Variants in ST8SIA5 observed in about 807,000 individuals in gnomAD.
The protein encoded by ST8SIA5 is alpha-2,8-sialyltransferase 8E.
A neutral mutation model predicts 40.2 loss-of-function variants in ST8SIA5; 24 were observed. The observed-to-expected ratio is 0.60, with a 90% CI of 0.43 to 0.84. ST8SIA5 has a LOEUF of 0.84. Among genes scored for constraint, ST8SIA5 ranks in the 40% least tolerant of loss-of-function variants. The pLI, the probability that ST8SIA5 is intolerant of heterozygous loss-of-function variation, is 0.00. For synonymous variants in ST8SIA5, 198 were observed against 201.8 expected (o/e 0.98, Z 0.16); for missense variants, 465 against 498.5 (o/e 0.93, Z 0.64).
chr18:46,710,416 T>TG (rs1491090090), intron 1 of ST8SIA5, among the ~76,000 whole-genome samples: 3 of 137,440 alleles, frequency 2.2e-5, no homozygotes, highest in African/African-American at 8.2e-5. Context: ...TCTTTCTTTC[T>TG]TTTTCTTTCT....
chr18:46,733,767 G>A (rs1317571569), intron 1 of ST8SIA5, among the ~76,000 whole-genome samples: 2 of 152,184 alleles, frequency 1.3e-5, no homozygotes, highest in Non-Finnish European at 2.9e-5. Context: ...CCCCTGCAGA[G>A]GCAGAGGTGA....
chr18:46,721,406 G>A (rs2039861966), intron 1 of ST8SIA5: 1 of 1,536,118 alleles, frequency 6.5e-7, no homozygotes, highest in South Asian at 1.2e-5. Flanking sequence ...GATCATCCGT[G>A]ACATTAAAGA....
chr18:46,743,140 C>G (rs2040103602), intron 1 of ST8SIA5, among the ~76,000 whole-genome samples: 1 of 152,084 alleles, frequency 6.6e-6, no homozygotes. Context: ...TTCTAAAAAC[C>G]AGGGTGCCTC....
intron 1 of ST8SIA5, among the ~76,000 whole-genome samples, chr18:46,727,556 A>C (rs1159111596): frequency 6.6e-6 from 1 of 152,214 alleles, no homozygotes; most frequent in African/African-American, 2.4e-5. Flanking sequence ...TATCTTATTA[A>C]AATTTTTGCC....
At chr18:46,750,973 A>G (rs912914260) in intron 1 of ST8SIA5, among the ~76,000 whole-genome samples, 3 of 152,106 alleles carry the variant, frequency 2.0e-5, no homozygotes, top group African/African-American at 4.8e-5. Context: ...ATTGTGGCAA[A>G]ATACACAATA....
intron 1 of ST8SIA5, among the ~76,000 whole-genome samples, chr18:46,711,752 G>T (rs572454597): frequency 6.6e-6 from 1 of 152,308 alleles, no homozygotes; most frequent in East Asian, 1.9e-4. Flanking sequence ...TAACAACTGC[G>T]GGTCACAGCT....
At chr18:46,712,643 T>C (rs1030408054) in intron 1 of ST8SIA5, among the ~76,000 whole-genome samples, 7 of 152,200 alleles carry the variant, frequency 4.6e-5, no homozygotes, top group African/African-American at 1.7e-4. Context: ...GCGCTGTTGA[T>C]GCGTGAGAAG....
chr18:46,700,785 C>G (rs1317593499), intron 2 of ST8SIA5, among the ~76,000 whole-genome samples: 1 of 152,082 alleles, frequency 6.6e-6, no homozygotes, highest in Admixed American at 6.5e-5. Flanking sequence ...AGAACCAAAG[C>G]CAAATGTGGA....
intron 1 of ST8SIA5, chr18:46,730,057 G>A (rs2039971587): frequency 1.7e-6 from 1 of 581,698 alleles, no homozygotes; most frequent in Admixed American, 6.3e-5. Context: ...GTTTGATGAG[G>A]GAGAAGGTTC....
chr18:46,694,869 C>T (rs1341834924), intron 2 of ST8SIA5, among the ~76,000 whole-genome samples: 1 of 151,956 alleles, frequency 6.6e-6, no homozygotes, highest in Non-Finnish European at 1.5e-5. Context: ...CTTTAAAAAC[C>T]CTTTTTAGGC....
At chr18:46,697,576 T>G (rs1599110661) in intron 2 of ST8SIA5, among the ~76,000 whole-genome samples, 2 of 152,292 alleles carry the variant, frequency 1.3e-5, no homozygotes, top group Admixed American at 6.5e-5. Context: ...TGTGGCTGCA[T>G]GCGCCTATAG....
intron 2 of ST8SIA5, among the ~76,000 whole-genome samples, chr18:46,703,911 C>T (rs1880780064): frequency 6.6e-6 from 1 of 152,160 alleles, no homozygotes; most frequent in African/African-American, 2.4e-5. Context: ...GCTTTCCCTC[C>T]TGTGGGTTGA....
intron 1 of ST8SIA5, among the ~76,000 whole-genome samples, chr18:46,753,285 C>A (rs931361734): frequency 2.0e-5 from 3 of 152,132 alleles, no homozygotes; most frequent in Non-Finnish European, 4.4e-5. Flanking sequence ...CAAAACAGAG[C>A]AAATTGGTTG....
chr18:46,693,481 C>G (rs2039527454), intron 2 of ST8SIA5, among the ~76,000 whole-genome samples: 1 of 152,214 alleles, frequency 6.6e-6, no homozygotes, highest in South Asian at 2.1e-4. Context: ...AACATCTCAG[C>G]ATCATGACAT....
chr18:46,752,079 C>T (rs2040200905), intron 1 of ST8SIA5, among the ~76,000 whole-genome samples: 2 of 152,184 alleles, frequency 1.3e-5, no homozygotes, highest in South Asian at 4.1e-4. Context: ...GCTCTAACCC[C>T]TGAGTCATGC....
intron 2 of ST8SIA5, 140 bp from the exon 3 acceptor site, chr18:46,692,395 CTCTT>C: frequency 3.0e-6 from 2 of 670,434 alleles, no homozygotes; most frequent in East Asian, 2.7e-5. Context: ...ATGTTTTCTT[CTCTT>C]TCTTTGTTTC....
chr18:46,692,046 T>A, intron 3 of ST8SIA5, 123 bp downstream of exon 3: 1 of 985,450 alleles, frequency 1.0e-6, no homozygotes. Context: ...CTAAGCCCAG[T>A]CAGGGTCTGC....
At chr18:46,704,827 G>A (rs1350193557) in intron 1 of ST8SIA5, among the ~76,000 whole-genome samples, 163 bp from the exon 2 acceptor site, 1 of 152,172 alleles carries the variant, frequency 6.6e-6, no homozygotes, top group African/African-American at 2.4e-5. Context: ...CAGACCATGG[G>A]GCCCTCTGGC....
intron 1 of ST8SIA5, among the ~76,000 whole-genome samples, chr18:46,719,682 T>TTTTCTTTCTTTCTTTCTTTCTTCTTTC (rs1555696441): frequency 9.3e-6 from 1 of 107,064 alleles, no homozygotes; most frequent in Non-Finnish European, 1.9e-5. Context: ...TTCTTTTCTT[T>TTTTCTTTCTTTCTTTCTTTCTTCTTTC]TTTCTTTCTT....
Sources: gnomAD v4.1 joint callset for allele counts (sites outside exome capture counted in the v4.1 genomes callset) on GRCh38, gnomAD v4.1.1 for gene constraint, MANE v1.5 for transcripts, NCBI Gene and HGNC (gene_info 2026-07-23, HGNC 2026-07-21) for gene names.